AKR1E2: variants seen among roughly 807,000 people sequenced by gnomAD.
AKR1E2 encodes aldo-keto reductase family 1 member E2.
A neutral mutation model predicts 41.9 loss-of-function variants in AKR1E2; 43 were observed. The ratio of observed to expected loss-of-function variants is 1.03; its 90% CI spans 0.80 to 1.32. The LOEUF is 1.32. Ranked by LOEUF, AKR1E2 falls within the 40% of genes most tolerant of loss-of-function variation. The pLI is 0.00. For synonymous variants in AKR1E2, 121 were observed against 138.9 expected (o/e 0.87, Z 0.91); for missense variants, 423 against 396.5 (o/e 1.07, Z -0.57).
the AKR1E2 span, among the ~76,000 whole-genome samples, chr10:4,867,355 C>T: frequency 0.22 from 33,173 of 152,132 alleles, 3,838 homozygotes; most frequent in Middle Eastern, 0.33. Flanking sequence ...CACACATTCA[C>T]GTTTCCATCT....
At chr10:4,863,678 T>G in the AKR1E2 span, among the ~76,000 whole-genome samples, 1 of 151,936 alleles carries the variant, frequency 6.6e-6, no homozygotes, top group Admixed American at 6.6e-5. Context: ...AGGAGCTGGT[T>G]TTTTGAAAAG....
At chr10:4,855,516 G>A in the AKR1E2 span, among the ~76,000 whole-genome samples, 1 of 152,104 alleles carries the variant, frequency 6.6e-6, no homozygotes, top group Admixed American at 6.5e-5. Flanking sequence ...CCATGTGGCA[G>A]TACTTTCTCT....
At chr10:4,846,411 T>C (rs1834338036) in intron 8 of AKR1E2, among the ~76,000 whole-genome samples, 1 of 152,106 alleles carries the variant, frequency 6.6e-6, no homozygotes, top group Admixed American at 6.5e-5. Context: ...ACTCAGAAAA[T>C]GTACTCTGTG....
chr10:4,863,565 G>A, the AKR1E2 span, among the ~76,000 whole-genome samples: 2 of 152,002 alleles, frequency 1.3e-5, no homozygotes, highest in Non-Finnish European at 2.9e-5. Context: ...AGAAGCAAGA[G>A]CAAACACATT....
chr10:4,835,016 T>G (rs1039600595), intron 3 of AKR1E2, among the ~76,000 whole-genome samples: 19 of 152,230 alleles, frequency 1.2e-4, no homozygotes, highest in Non-Finnish European at 2.5e-4. Context: ...CTTTCATGTG[T>G]ATCAGGCTGG....
chr10:4,870,528 C>G, the AKR1E2 span, among the ~76,000 whole-genome samples: 1 of 151,450 alleles, frequency 6.6e-6, no homozygotes, highest in African/African-American at 2.4e-5. Context: ...CTTGATGTCT[C>G]TTTTATTTTG....
the AKR1E2 span, among the ~76,000 whole-genome samples, chr10:4,864,065 T>G: frequency 6.6e-6 from 1 of 152,212 alleles, no homozygotes; most frequent in African/African-American, 2.4e-5. Flanking sequence ...CTTCTGAAAC[T>G]ATTCCAATCA....
rs17133779 is a variant in AKR1E2 at position 4,847,782 on chromosome 10, G to C, written c.*252G>C. The C allele has an allele frequency of 2.0e-6, 1 of 489,144 alleles. No homozygotes were observed. Among genetic ancestry groups the C allele is most frequent in the African/African-American group, 2.0e-5 (1 of 50,468 alleles). 30.3% of individuals were successfully genotyped at this position (489,144 alleles called of 1,614,324 possible). A position where few individuals can be genotyped will look rare whatever the true frequency, so the allele number is the denominator to read the frequency against. Reference sequence around the variant, plus strand: ...GAACAAATACACTGATGAGTCATCAGTGAAATTTGCCTTCACATTTTAAGA... The same window carrying C: ...GAACAAATACACTGATGAGTCATCACTGAAATTTGCCTTCACATTTTAAGA... On this transcript the variant is annotated 3_prime_UTR_variant, in exon 10 of 10. Coordinates refer to ENST00000298375, the MANE Select transcript of AKR1E2 (RefSeq NM_001040177.3).
In AKR1E2 at chr10:4,839,802, C is replaced by T. The variant is rs1833727511; in HGVS notation, c.656C>T (p.Ala219Val). ...CAATCCAGAGATGTGTCCGTGACTG[C>T]TTACCGTCCTCTTGGTGGCTCGTGG... ...FCQSRDVSVT[A>V]YRPLGGSCEG... The change falls in exon 6 of 10, where the codon GCT becomes GTT. Residue 219 changes from alanine (A) to valine (V), a missense_variant. Coordinates refer to ENST00000298375, the MANE Select transcript of AKR1E2 (RefSeq NM_001040177.3). 1 of 1,614,116 alleles carries T rather than the reference C, an allele frequency of 6.2e-7. No homozygotes were observed. The highest frequency in any genetic ancestry group is 8.5e-7 in the Non-Finnish European group (1 of 1,180,016).
chr10:4,825,063 G>C (rs1409876361), upstream of AKR1E2: 4 of 454,308 alleles, frequency 8.8e-6, no homozygotes, highest in South Asian at 1.6e-5. Flanking sequence ...CACAGTTTCT[G>C]AATGAATAAA....
intron 8 of AKR1E2, among the ~76,000 whole-genome samples, chr10:4,845,063 G>A (rs142731121): frequency 0.035 from 5,275 of 152,238 alleles, 150 homozygotes; most frequent in East Asian, 0.11. Flanking sequence ...CCTGCCCTGC[G>A]GGGAGGCAGC....
intron 1 of AKR1E2, among the ~76,000 whole-genome samples, chr10:4,826,588 G>C (rs1832529045): frequency 6.6e-6 from 1 of 152,194 alleles, no homozygotes; most frequent in South Asian, 2.1e-4. Flanking sequence ...GCGCTCTCTG[G>C]GAGAAGCGGG....
chr10:4,848,241 G>A (rs139451004), downstream of AKR1E2, among the ~76,000 whole-genome samples: 726 of 152,162 alleles, frequency 4.8e-3, 5 homozygotes, highest in Non-Finnish European at 7.7e-3. Flanking sequence ...TTTTTAATAC[G>A]GTCTTCTGAT....
chr10:4,845,139 C>T (rs866356009), intron 8 of AKR1E2, among the ~76,000 whole-genome samples: 3 of 152,208 alleles, frequency 2.0e-5, no homozygotes, highest in African/African-American at 7.2e-5. Context: ...CTAGCACGCC[C>T]TCCTCAGCCG....
chr10:4,841,657 TC>T lies in AKR1E2; in HGVS notation c.681-126del, dbSNP rs1833884998. On this transcript the variant is annotated intron_variant, in intron 6 of 9. Coordinates refer to ENST00000298375, the MANE Select transcript of AKR1E2 (RefSeq NM_001040177.3). ...ATGTGCTTTTCTGCATTTTAAAATT[TC>T]CTGTAGTCGGCATGTGTCATGATCA... is the stretch of plus-strand genomic sequence containing the variant. The T allele has an allele frequency of 2.0e-5, 13 of 642,588 alleles. No individual in the cohort carries two copies. In the South Asian group the frequency reaches 4.4e-4, roughly 22 times the overall value. 39.8% of individuals were successfully genotyped at this position (642,588 alleles called of 1,614,324 possible).
chr10:4,844,048 G>C (rs111528721), intron 8 of AKR1E2, among the ~76,000 whole-genome samples: 1 of 152,220 alleles, frequency 6.6e-6, no homozygotes, highest in Non-Finnish European at 1.5e-5. Flanking sequence ...TGGTGTGTCC[G>C]GAATTGGTGG....
At chr10:4,834,256 T>C (rs2131516400) in intron 3 of AKR1E2, among the ~76,000 whole-genome samples, 1 of 152,372 alleles carries the variant, frequency 6.6e-6, no homozygotes, top group East Asian at 1.9e-4. Flanking sequence ...AGAAGGTCCC[T>C]TTATGTGTGC....
intron 6 of AKR1E2, among the ~76,000 whole-genome samples, chr10:4,840,892 G>T (rs937608180): frequency 6.6e-6 from 1 of 152,282 alleles, no homozygotes; most frequent in East Asian, 1.9e-4. Flanking sequence ...AAAGCAACCA[G>T]AGTGCAGGTA....
the AKR1E2 span, among the ~76,000 whole-genome samples, chr10:4,858,533 G>A: frequency 1.3e-5 from 2 of 152,218 alleles, no homozygotes. Context: ...ACACAAGTTA[G>A]CATAGAACTA....
Sources: gnomAD v4.1 joint callset for allele counts (sites outside exome capture counted in the v4.1 genomes callset) on GRCh38, gnomAD v4.1.1 for gene constraint, MANE v1.5 for transcripts, NCBI Gene and HGNC (gene_info 2026-07-23, HGNC 2026-07-21) for gene names.